FOXF1: variants seen among roughly 807,000 people sequenced by gnomAD.
FOXF1 encodes forkhead box protein F1.
Under a neutral mutation model 26.6 loss-of-function variants are expected in FOXF1, and 9 were observed. The ratio of observed to expected loss-of-function variants is 0.34; its 90% CI spans 0.20 to 0.59. The LOEUF is 0.59. FOXF1 is among the 20% of genes least tolerant of loss of function. The pLI, the probability that FOXF1 is intolerant of heterozygous loss-of-function variation, is 0.83. For missense variants in FOXF1, 499 were observed against 549.9 expected (o/e 0.91, Z 0.93); for synonymous variants, 330 against 257.7 (o/e 1.28, Z -2.69).
intron 1 of FOXF1, among the ~76,000 whole-genome samples, 193 bp from the exon 2 acceptor site, chr16:86,512,732 T>C (rs1412011520): frequency 2.0e-5 from 3 of 147,558 alleles, no homozygotes; most frequent in Non-Finnish European, 4.4e-5. Flanking sequence ...TGGCAAGTGT[T>C]CTGGAGTCTT....
chr16:86,511,403 C>A lies in FOXF1; in HGVS notation c.834C>A (p.Leu278=). The A allele has an allele frequency of 6.3e-7, 1 of 1,591,310 alleles. No homozygotes were observed. Among genetic ancestry groups the A allele is most frequent in the Non-Finnish European group, 8.5e-7 (1 of 1,176,780 alleles). Reference sequence around the variant, plus strand: ...GGCCGCCCTCGGCGTCCGCGGCGCTCAACAGCGGCGCCTCTTATATCAAGC... The same window carrying A: ...GGCCGCCCTCGGCGTCCGCGGCGCTAAACAGCGGCGCCTCTTATATCAAGC... ...AAWPPSASAA[L]NSGASYIKQQ... is the part of the protein sequence containing the mutation. The change falls in exon 1 of 2, where the codon CTC becomes CTA. Residue 278 remains leucine, a synonymous_variant. Coordinates refer to ENST00000262426, the MANE Select transcript of FOXF1 (RefSeq NM_001451.3).
At chr16:86,512,800 G>C (rs1969588446) in intron 1 of FOXF1, 125 bp from the exon 2 acceptor site, 8 of 1,128,070 alleles carry the variant, frequency 7.1e-6, no homozygotes, top group Non-Finnish European at 1.1e-5. Context: ...GGAGGCGGCC[G>C]TGCTCTGGAG....
chr16:86,511,491 T>C lies in FOXF1; in HGVS notation c.922T>C (p.Ser308Pro). ...NPLSGSLSTHSLEQPYLHQNS... is the reference protein window; with the variant it reads ...NPLSGSLSTHPLEQPYLHQNS... ...CCTGTCCGGCAGCCTCTCCACGCAC[T>C]CCCTGGAGCAGCCGTATCTGCACCA... Residue 308 changes from serine to proline, a missense_variant, in exon 1 of 2, where the codon TCC becomes CCC. By Grantham distance (74) the Ser-to-Pro change is moderately conservative. Transcript: ENST00000262426. The C allele has an allele frequency of 1.0e-5, 16 of 1,583,134 alleles. No individual in the cohort carries two copies. The highest frequency in any genetic ancestry group is 1.3e-5 in the Non-Finnish European group (15 of 1,173,182).
chr16:86,512,949 C>T lies in FOXF1; in HGVS notation c.1004C>T (p.Ser335Leu), dbSNP rs1296551901. The T allele has an allele frequency of 5.0e-6, 8 of 1,614,046 alleles. No homozygotes were observed. The highest frequency in any genetic ancestry group is 6.8e-6 in the Non-Finnish European group (8 of 1,180,054). ...LQGIPRYHSQ[S>L]PSMCDRKEFV... ...GGCATCCCGCGGTATCACTCGCAGT[C>T]GCCCAGCATGTGTGACCGAAAGGAG... The change falls in exon 2 of 2, where the codon TCG becomes TTG. Residue 335 changes from serine to leucine, a missense_variant. Ser to Leu is a moderately radical substitution (Grantham distance 145). Transcript: ENST00000262426.
chr16:86,511,677 C>T (rs959685518), intron 1 of FOXF1, 129 bp downstream of exon 1: 1 of 1,334,464 alleles, frequency 7.5e-7, no homozygotes, highest in African/African-American at 1.4e-5. Context: ...CACCAGCTCC[C>T]CAAGGTGTCT....
chr16:86,512,301 G>A (rs997099406), intron 1 of FOXF1, among the ~76,000 whole-genome samples: 1 of 152,194 alleles, frequency 6.6e-6, no homozygotes, highest in Non-Finnish European at 1.5e-5. Context: ...TCTGCCCCAG[G>A]CCCCCCGCAG....
rs1319595678 is a variant in FOXF1 at position 86,514,471 on chromosome 16, C to G, written c.*1386C>G. ...AAATTGCATGAGTATTTTATTGGGA[C>G]TGAGATTGTAGAATACCTTCCAGAC... On this transcript the variant is annotated 3_prime_UTR_variant, in exon 2 of 2. Coordinates refer to ENST00000262426, the MANE Select transcript of FOXF1 (RefSeq NM_001451.3). 1 of 152,014 alleles carries G rather than the reference C, an allele frequency of 6.6e-6. No homozygotes were observed. The highest frequency in any genetic ancestry group is 1.5e-5 in the Non-Finnish European group (1 of 68,030). 9.4% of individuals were successfully genotyped at this position (152,014 alleles called of 1,614,324 possible). A position where few individuals can be genotyped will look rare whatever the true frequency, so the allele number is the denominator to read the frequency against.
Position 86,511,230 on chromosome 16 carries a change from G to A in FOXF1, c.661G>A (p.Gly221Ser), listed in dbSNP as rs1336836103. ...HSVPHLPSNGGHSYMGGCGGA... is the reference protein window; with the variant it reads ...HSVPHLPSNGSHSYMGGCGGA... ...GGTGCCCCACCTGCCTTCCAACGGC[G>A]GCCACTCGTACATGGGCGGCTGCGG... is the stretch of plus-strand genomic sequence containing the variant. Residue 221 changes from glycine (G) to serine (S), a missense_variant, in exon 1 of 2, where the codon GGC (glycine) becomes AGC (serine). Gly to Ser is a moderately conservative substitution (Grantham distance 56). This residue lies in a region of FOXF1 where 367 missense variants were observed against 324.8 expected (regional missense o/e 1.13). Transcript: ENST00000262426. The A allele has an allele frequency of 6.5e-7, 1 of 1,533,362 alleles. No homozygotes were observed. Among genetic ancestry groups the A allele is most frequent in the East Asian group, 2.5e-5 (1 of 40,764 alleles). The allele number at this position is 1,533,362 out of a possible 1,614,324, so 95.0% of individuals were successfully genotyped here.
rs1969563633 is a variant in FOXF1, at chr16:86,511,425, A to G, written c.856A>G (p.Lys286Glu). ...GCTCAACAGCGGCGCCTCTTATATC[A>G]AGCAGCAGCCCCTGTCCCCCTGTAA... ...AALNSGASYI[K>E]QQPLSPCNPA... is the part of the protein sequence containing the mutation. Residue 286 changes from lysine (K) to glutamate (E), a missense_variant, in exon 1 of 2, where the codon AAG becomes GAG. This residue lies in a region of FOXF1 where 367 missense variants were observed against 324.8 expected (regional missense o/e 1.13). Transcript: ENST00000262426. 6.3e-7 allele frequency: 1 copy of G among 1,594,252 alleles called. No individual in the cohort carries two copies. Among genetic ancestry groups the G allele is most frequent in the Non-Finnish European group, 8.5e-7 (1 of 1,178,354 alleles).
In FOXF1 at chr16:86,510,558, A is replaced by G; in HGVS notation, c.-12A>G. On this transcript the variant is annotated 5_prime_UTR_variant, in exon 1 of 2. Transcript: ENST00000262426. ...CAGCGGCGGCAGCGGCGGCGGCGGC[A>G]GCAGCCACCCGATGTCTTCGGCGCC... 7.6e-7 allele frequency: 1 copy of G among 1,310,660 alleles called. No individual in the cohort carries two copies. Among genetic ancestry groups the G allele is most frequent in the Non-Finnish European group, 9.7e-7 (1 of 1,034,464 alleles). 81.2% of individuals were successfully genotyped at this position (1,310,660 alleles called of 1,614,324 possible). A position where few individuals can be genotyped will look rare whatever the true frequency, so the allele number is the denominator to read the frequency against.
Position 86,513,086 on chromosome 16 carries a change from G to C in FOXF1, c.*1G>C. ...AGACATCAAGCCTTGCGTGATGTGA[G>C]GCTGCCGCCGCAGGCCCTCCTGGTG... On this transcript the variant is annotated 3_prime_UTR_variant, in exon 2 of 2. Coordinates refer to ENST00000262426, the MANE Select transcript of FOXF1 (RefSeq NM_001451.3). The C allele has an allele frequency of 6.2e-7, 1 of 1,610,316 alleles. No individual in the cohort carries two copies. Among genetic ancestry groups the C allele is most frequent in the Non-Finnish European group, 8.5e-7 (1 of 1,179,896 alleles).
chr16:86,511,416 T>C lies in FOXF1; in HGVS notation c.847T>C (p.Ser283Pro), dbSNP rs747192228. Residue 283 changes from serine (S) to proline (P), a missense_variant, in exon 1 of 2, where the codon TCT becomes CCT. Transcript: ENST00000262426. ...GTCCGCGGCGCTCAACAGCGGCGCC[T>C]CTTATATCAAGCAGCAGCCCCTGTC... ...SASAALNSGASYIKQQPLSPC... is the reference protein window; with the variant it reads ...SASAALNSGAPYIKQQPLSPC... 2 of 1,593,854 alleles carry C rather than the reference T, an allele frequency of 1.3e-6. No homozygotes were observed. Among genetic ancestry groups the C allele is most frequent in the Admixed American group, 3.3e-5 (2 of 59,716 alleles).
rs1969625299 is a variant in FOXF1, at chr16:86,515,024, G to T, written c.*1939G>T. The T allele has an allele frequency of 6.6e-6, 1 of 152,028 alleles. No homozygotes were observed. Among genetic ancestry groups the T allele is most frequent in the Non-Finnish European group, 1.5e-5 (1 of 67,994 alleles). The allele number at this position is 152,028 out of a possible 1,614,324, so 9.4% of individuals were successfully genotyped here. A position where few individuals can be genotyped will look rare whatever the true frequency, so the allele number is the denominator to read the frequency against. On this transcript the variant is annotated 3_prime_UTR_variant, in exon 2 of 2. Transcript: ENST00000262426. This position sits in a 1 kb window ranked among gnomAD's most constrained non-coding sequence, Gnocchi z 4.1. ...TTTTGTTTTGGCTTTTTGGTGCCTT[G>T]TTCTTGGTTTTCCCCGATAGAAAAT...
rs1181496109 is a variant in FOXF1 at position 86,514,317 on chromosome 16, C to T, written c.*1232C>T. The T allele has an allele frequency of 6.6e-6, 1 of 150,912 alleles. No individual in the cohort carries two copies. Among genetic ancestry groups the T allele is most frequent in the Non-Finnish European group, 1.5e-5 (1 of 67,874 alleles). 9.3% of individuals were successfully genotyped at this position (150,912 alleles called of 1,614,324 possible). Reference sequence around the variant, plus strand: ...GACACGTATTTGAAATTTGAAATTTCCTTCTGCACTGTATAAAAGGACCAT... The same window carrying T: ...GACACGTATTTGAAATTTGAAATTTTCTTCTGCACTGTATAAAAGGACCAT... On this transcript the variant is annotated 3_prime_UTR_variant, in exon 2 of 2. Transcript: ENST00000262426.
At chr16:86,512,515 C>A (rs1053452607) in intron 1 of FOXF1, among the ~76,000 whole-genome samples, 1 of 152,250 alleles carries the variant, frequency 6.6e-6, no homozygotes, top group Non-Finnish European at 1.5e-5. Context: ...CTGCACTGGC[C>A]TCTCCTTCAA....
At position 86,512,966 on chromosome 16, in the gene FOXF1, C is replaced by G. The variant is rs1449055651; in HGVS notation, c.1021C>G (p.Arg341Gly). ...CTCGCAGTCGCCCAGCATGTGTGAC[C>G]GAAAGGAGTTTGTCTTCTCTTTCAA... ...YHSQSPSMCD[R>G]KEFVFSFNAM... Residue 341 changes from arginine (R) to glycine (G), a missense_variant, in exon 2 of 2, where the codon CGA (arginine) becomes GGA (glycine). Arg to Gly is a moderately radical substitution (Grantham distance 125). Coordinates refer to ENST00000262426, the MANE Select transcript of FOXF1 (RefSeq NM_001451.3). The G allele has an allele frequency of 3.7e-6, 6 of 1,614,044 alleles. No homozygotes were observed. The highest frequency in any genetic ancestry group is 5.1e-6 in the Non-Finnish European group (6 of 1,180,038).
In FOXF1 at chr16:86,514,863, A is replaced by T. The variant is rs1446619559; in HGVS notation, c.*1778A>T. The T allele has an allele frequency of 6.6e-6, 1 of 152,136 alleles. No individual in the cohort carries two copies. Among genetic ancestry groups the T allele is most frequent in the African/African-American group, 2.4e-5 (1 of 41,404 alleles). 9.4% of individuals were successfully genotyped at this position (152,136 alleles called of 1,614,324 possible). A position where few individuals can be genotyped will look rare whatever the true frequency, so the allele number is the denominator to read the frequency against. ...CATATATGTATACGTGTCCATGTAC[A>T]TAATATATATTTTTTTGCCACTACA... On this transcript the variant is annotated 3_prime_UTR_variant, in exon 2 of 2. Transcript: ENST00000262426.
chr16:86,513,146 C>G lies in FOXF1; in HGVS notation c.*61C>G, dbSNP rs1452911307. 8.4e-6 allele frequency: 13 copies of G among 1,547,574 alleles called. No individual in the cohort carries two copies. Among genetic ancestry groups the G allele is most frequent in the Admixed American group, 3.4e-5 (2 of 59,218 alleles). ...GGGTCACAGGGACCCTGGACCGGCA[C>G]AAGAAACTGCTTTCTTCTCGAGGTA... On this transcript the variant is annotated 3_prime_UTR_variant, in exon 2 of 2. Coordinates refer to ENST00000262426, the MANE Select transcript of FOXF1 (RefSeq NM_001451.3).
Position 86,511,308 on chromosome 16 carries a change from C to G in FOXF1, c.739C>G (p.Pro247Ala), listed in dbSNP as rs555312017. Residue 247 changes from proline (P) to alanine (A), a missense_variant, in exon 1 of 2, where the codon CCG becomes GCG. By Grantham distance (27) the Pro-to-Ala change is conservative. Coordinates refer to ENST00000262426, the MANE Select transcript of FOXF1 (RefSeq NM_001451.3). The part of the protein sequence containing the change: ...PHHDSSVPAS[P>A]LLPTGAGGVM... Reference sequence around the variant, plus strand: ...CCACGACAGCTCGGTGCCCGCCTCCCCGCTGCTGCCCACCGGCGCCGGTGG... The same window carrying G: ...CCACGACAGCTCGGTGCCCGCCTCCGCGCTGCTGCCCACCGGCGCCGGTGG... The G allele has an allele frequency of 2.0e-6, 3 of 1,520,850 alleles. No individual in the cohort carries two copies. In the East Asian group the frequency reaches 7.5e-5, roughly 38 times the overall value. The allele number at this position is 1,520,850 out of a possible 1,614,324, so 94.2% of individuals were successfully genotyped here.
Sources: allele counts gnomAD v4.1 joint callset (sites outside exome capture counted in the v4.1 genomes callset), GRCh38; gene constraint gnomAD v4.1.1; regional missense constraint gnomAD v4.1.1; non-coding constraint Gnocchi (gnomAD v3.1); transcripts MANE v1.5; gene names NCBI Gene and HGNC (gene_info 2026-07-23, HGNC 2026-07-21).